BMERB1: variants seen among roughly 807,000 people sequenced by gnomAD.
The protein encoded by BMERB1 is bMERB domain containing 1.
Under a neutral mutation model 23.6 loss-of-function variants are expected in BMERB1, and 12 were observed. The observed-to-expected ratio is 0.51, with a 90% CI of 0.33 to 0.82. BMERB1 has a LOEUF of 0.82. BMERB1 is among the 40% of genes least tolerant of loss of function. The pLI is 0.03. For synonymous variants in BMERB1, 122 were observed against 96.6 expected, an observed-to-expected ratio of 1.26 and a Z score of -1.54; for missense variants, 247 against 255.4, an observed-to-expected ratio of 0.97 and a Z score of 0.22.
In BMERB1 at chr16:15,478,252, C is replaced by T. The variant is rs141053859; in HGVS notation, c.107-37053C>T. Among the ~76,000 whole-genome samples, 534 of 152,156 alleles carry T rather than the reference C, an allele frequency of 3.5e-3. 1 individual carries two copies. The highest frequency in any genetic ancestry group is 0.012 in the African/African-American group (500 of 41,518). ...GGCTCACTGCAGCCTCTGCCTCTCC[C>T]GGGTTCAAGCGATTCTCCTGCCTCA... is the stretch of plus-strand genomic sequence containing the variant. On this transcript the variant is annotated intron_variant, in intron 1 of 5. Transcript: ENST00000300006.
intron 1 of BMERB1, among the ~76,000 whole-genome samples, chr16:15,494,097 C>T (rs2051449491): frequency 6.6e-6 from 1 of 152,188 alleles, no homozygotes; most frequent in Non-Finnish European, 1.5e-5. Flanking sequence ...TTTTCATGAA[C>T]TCATTCTGAG....
At chr16:15,573,738 T>TG (rs1325019952) in intron 3 of BMERB1, among the ~76,000 whole-genome samples, 1 of 152,196 alleles carries the variant, frequency 6.6e-6, no homozygotes, top group Non-Finnish European at 1.5e-5. Context: ...CTTAATTTGT[T>TG]AAGTCCATTT....
At chr16:15,484,665 G>C (rs930434958) in intron 1 of BMERB1, among the ~76,000 whole-genome samples, 5 of 152,250 alleles carry the variant, frequency 3.3e-5, no homozygotes, top group Non-Finnish European at 7.4e-5. Context: ...GCCTCCCAAA[G>C]TGCTGAGATT....
chr16:15,494,654 C>T lies in BMERB1; in HGVS notation c.107-20651C>T, dbSNP rs571218128. ...GTTTGCTTTTTGGAATAACCAAAGTCATTCTGGGCCAAGGTGTTTGAATAA... is the reference window on the plus strand; with the variant it reads ...GTTTGCTTTTTGGAATAACCAAAGTTATTCTGGGCCAAGGTGTTTGAATAA... On this transcript the variant is annotated intron_variant, in intron 1 of 5. Transcript: ENST00000300006. Among the ~76,000 whole-genome samples, 6 of 152,200 alleles carry T rather than the reference C, an allele frequency of 3.9e-5. 1 individual carries two copies. In the South Asian group the frequency reaches 1.2e-3, roughly 32 times the overall value.
At chr16:15,515,526 T>A in intron 2 of BMERB1, 98 bp downstream of exon 2, 1 of 1,449,796 alleles carries the variant, frequency 6.9e-7, no homozygotes, top group Non-Finnish European at 9.1e-7. Context: ...GGCACTGAGA[T>A]AAAGGCATTA....
rs2051600891 is a variant in BMERB1 at position 15,507,159 on chromosome 16, A to G, written c.107-8146A>G. Among the ~76,000 whole-genome samples, 3 of 152,182 alleles carry G rather than the reference A, an allele frequency of 2.0e-5. 1 individual carries two copies. The South Asian group carries it at 6.2e-4, about 32-fold the overall frequency. ...GACCCCTGATTGGAAAAGATGGGCT[A>G]GGAAAGGTATCTCTCTGGTCCCCAG... is the stretch of plus-strand genomic sequence containing the variant. On this transcript the variant is annotated intron_variant, in intron 1 of 5. Coordinates refer to ENST00000300006, the MANE Select transcript of BMERB1 (RefSeq NM_033201.3).
At chr16:15,446,696 A>G (rs1287106668) in intron 1 of BMERB1, among the ~76,000 whole-genome samples, 1 of 152,218 alleles carries the variant, frequency 6.6e-6, no homozygotes, top group Non-Finnish European at 1.5e-5. Context: ...TGAAGCTGCC[A>G]TTGATATAGA....
chr16:15,494,989 T>G (rs909071979), intron 1 of BMERB1, among the ~76,000 whole-genome samples: 2 of 149,506 alleles, frequency 1.3e-5, no homozygotes, highest in African/African-American at 2.5e-5. Context: ...GTTTAAGTGA[T>G]TCTTGTGCCT....
intron 2 of BMERB1, among the ~76,000 whole-genome samples, chr16:15,549,676 T>TA (rs768470162): frequency 0.022 from 2,860 of 130,622 alleles, 78 homozygotes; most frequent in African/African-American, 0.058. Flanking sequence ...AGACATTGTC[T>TA]AAAAAAAAAA....
chr16:15,475,902 G>A (rs1489635666), intron 1 of BMERB1, among the ~76,000 whole-genome samples: 1 of 152,048 alleles, frequency 6.6e-6, no homozygotes, highest in African/African-American at 2.4e-5. Context: ...AGTTTTTATT[G>A]GGGCTCAGTC....
At chr16:15,581,794 C>T (rs924279999) in intron 4 of BMERB1, among the ~76,000 whole-genome samples, 1 of 152,226 alleles carries the variant, frequency 6.6e-6, no homozygotes, top group African/African-American at 2.4e-5. Flanking sequence ...CTTCTCTTTG[C>T]ATCTGCTGCC....
chr16:15,511,396 A>AG (rs1189154290), intron 1 of BMERB1, among the ~76,000 whole-genome samples: 1 of 152,096 alleles, frequency 6.6e-6, no homozygotes, highest in Non-Finnish European at 1.5e-5. Context: ...GAAGGCAAGG[A>AG]GGAGGTGATT....
intron 2 of BMERB1, among the ~76,000 whole-genome samples, chr16:15,516,017 CAGG>C (rs1184827823): frequency 6.6e-6 from 1 of 152,134 alleles, no homozygotes; most frequent in Non-Finnish European, 1.5e-5. Context: ...CCCAGCTACT[CAGG>C]AGGCTGAGGT....
intron 1 of BMERB1, among the ~76,000 whole-genome samples, chr16:15,498,501 G>A (rs982199919): frequency 1.3e-5 from 2 of 151,790 alleles, no homozygotes; most frequent in African/African-American, 4.8e-5. Flanking sequence ...TCCAGACTTG[G>A]TAATAGAGTG....
intron 3 of BMERB1, among the ~76,000 whole-genome samples, chr16:15,575,097 A>G (rs1484642146): frequency 6.6e-6 from 1 of 152,044 alleles, no homozygotes; most frequent in African/African-American, 2.4e-5. Context: ...AAATAAATAA[A>G]AATAATAAAA....
At chr16:15,521,373 A>G (rs1242881351) in intron 2 of BMERB1, among the ~76,000 whole-genome samples, 1 of 152,236 alleles carries the variant, frequency 6.6e-6, no homozygotes, top group Non-Finnish European at 1.5e-5. Flanking sequence ...GGTTCCCGTA[A>G]TAACTCTTAA....
At chr16:15,566,681 A>T (rs1470273995) in intron 2 of BMERB1, among the ~76,000 whole-genome samples, 1 of 152,048 alleles carries the variant, frequency 6.6e-6, no homozygotes, top group East Asian at 1.9e-4. Flanking sequence ...TAAAAATAAA[A>T]ATAAATTTAA....
At position 15,573,109 on chromosome 16, in the gene BMERB1, C is replaced by T. The variant is rs561752932; in HGVS notation, c.304+5053C>T. Among the ~76,000 whole-genome samples the T allele has an allele frequency of 1.8e-4, 27 of 152,236 alleles. No homozygotes were observed. The South Asian group carries it at 5.6e-3, about 32-fold the overall frequency. ...ACTAATACAACTAGGGTCTGCTTTC[C>T]TGGCACAGTAAGACCAGCTGTCTCC... On this transcript the variant is annotated intron_variant, in intron 3 of 5. Coordinates refer to ENST00000300006, the MANE Select transcript of BMERB1 (RefSeq NM_033201.3).
chr16:15,545,485 T>A (rs2052124895), intron 2 of BMERB1, among the ~76,000 whole-genome samples: 1 of 152,092 alleles, frequency 6.6e-6, no homozygotes, highest in Admixed American at 6.6e-5. Flanking sequence ...TTGGTTAGGG[T>A]TGTTGGCCAC....
Sources: allele counts gnomAD v4.1 joint callset (sites outside exome capture counted in the v4.1 genomes callset), GRCh38; gene constraint gnomAD v4.1.1; transcripts MANE v1.5; gene names NCBI Gene and HGNC (gene_info 2026-07-23, HGNC 2026-07-21).